TPBGL: variants seen among roughly 807,000 people sequenced by gnomAD.
TPBGL encodes trophoblast glycoprotein like.
For missense variants in TPBGL, 685 were observed against 609.4 expected (o/e 1.12, Z -1.31); for synonymous variants, 380 against 314.8 (o/e 1.21, Z -2.19).
chr11:75,241,762 G>T lies in TPBGL; in HGVS notation c.713G>T (p.Cys238Phe). Residue 238 changes from cysteine (C) to phenylalanine (F), a missense_variant, in exon 1 of 1, where the codon TGC (cysteine) becomes TTC (phenylalanine). Physicochemically the swap from Cys to Phe is radical, Grantham distance 205 (BLOSUM62 -2). Transcript: ENST00000562197. ...RLLLADNPLR[C>F]GCAARPLLAW... ...CTGCTCGCCGACAACCCCCTGCGCT[G>T]CGGCTGTGCCGCACGCCCCCTGCTG... 7.7e-7 allele frequency: 1 copy of T among 1,305,670 alleles called. No homozygotes were observed. The allele number at this position is 1,305,670 out of a possible 1,614,324, so 80.9% of individuals were successfully genotyped here.
At position 75,241,356 on chromosome 11, in the gene TPBGL, C is replaced by A; in HGVS notation, c.307C>A (p.His103Asn). Residue 103 changes from histidine to asparagine, a missense_variant, in exon 1 of 1, where the codon CAC becomes AAC. By Grantham distance (68) the His-to-Asn change is moderately conservative. Coordinates refer to ENST00000562197, the MANE Select transcript of TPBGL (RefSeq NM_001195528.2). ...GCTCCTGAGCGCGCTGCGCCTCACG[C>A]ACAACCACATCGAGGTGGTGGAGGA... Reference protein sequence around the residue: ...LPLLSALRLTHNHIEVVEDGA... With the variant: ...LPLLSALRLTNNHIEVVEDGA... The A allele has an allele frequency of 7.3e-7, 1 of 1,372,382 alleles. No homozygotes were observed. The highest frequency in any genetic ancestry group is 9.4e-7 in the Non-Finnish European group (1 of 1,066,066). The allele number at this position is 1,372,382 out of a possible 1,614,324, so 85.0% of individuals were successfully genotyped here.
chr11:75,241,119 GC>G lies in TPBGL; in HGVS notation c.71del (p.Ala24GlyfsTer43). 1 of 1,405,950 alleles carries G rather than the reference GC, an allele frequency of 7.1e-7. No homozygotes were observed. Among genetic ancestry groups the G allele is most frequent in the Non-Finnish European group, 9.3e-7 (1 of 1,077,034 alleles). 87.1% of individuals were successfully genotyped at this position (1,405,950 alleles called of 1,614,324 possible). ...LLVAAALSQP[A>X]APCPFQCYCF... Reference sequence around the variant, plus strand: ...CGTGGCGGCGGCGCTGAGCCAGCCCGCGGCACCCTGCCCCTTCCAGTGCTAC... The same window carrying G: ...CGTGGCGGCGGCGCTGAGCCAGCCCGGGCACCCTGCCCCTTCCAGTGCTAC... On this transcript the variant is annotated frameshift_variant, in exon 1 of 1. Transcript: ENST00000562197. LOFTEE classifies it low-confidence loss of function (END_TRUNC).
In TPBGL at chr11:75,241,836, C is replaced by A; in HGVS notation, c.787C>A (p.Arg263Ser). Residue 263 changes from arginine (R) to serine (S), a missense_variant, in exon 1 of 1, where the codon CGC (arginine) becomes AGC (serine). Transcript: ENST00000562197. ...TERVPDSRRL[R>S]CAAPRALLDR... ...GCGCGTGCCCGACTCGCGGCGCCTG[C>A]GCTGCGCCGCCCCGCGGGCGCTGCT... is the stretch of plus-strand genomic sequence containing the variant. 22 of 1,290,326 alleles carry A rather than the reference C, an allele frequency of 1.7e-5. No homozygotes were observed. The highest frequency in any genetic ancestry group is 2.1e-5 in the Non-Finnish European group (22 of 1,024,982). 79.9% of individuals were successfully genotyped at this position (1,290,326 alleles called of 1,614,324 possible). A position where few individuals can be genotyped will look rare whatever the true frequency, so the allele number is the denominator to read the frequency against.
rs1945597943 is a variant in TPBGL, at chr11:75,241,472, G to A, written c.423G>A (p.Leu141=). Residue 141 remains leucine, a synonymous_variant, in exon 1 of 1, where the codon CTG becomes CTA. Coordinates refer to ENST00000562197, the MANE Select transcript of TPBGL (RefSeq NM_001195528.2). ...TGGGCGGCGGCGCCTTCCGCGGGCT[G>A]CCCGCGCTGCGCTCGCTGCAGCTCA... The part of the protein sequence containing the change: ...RALGGGAFRG[L]PALRSLQLNH... The A allele has an allele frequency of 8.0e-7, 1 of 1,256,582 alleles. No homozygotes were observed. The highest frequency in any genetic ancestry group is 1.0e-6 in the Non-Finnish European group (1 of 1,002,236). The allele number at this position is 1,256,582 out of a possible 1,614,324, so 77.8% of individuals were successfully genotyped here.
In TPBGL at chr11:75,240,987, C is replaced by A; in HGVS notation, c.-63C>A. ...GGACTCGCCCCACCCGTGCCCCCCA[C>A]CAGGCGCTCCCAACTCACTGGTGAG... On this transcript the variant is annotated 5_prime_UTR_variant, in exon 1 of 1. Transcript: ENST00000562197. The A allele has an allele frequency of 8.6e-7, 1 of 1,158,760 alleles. No homozygotes were observed. Among genetic ancestry groups the A allele is most frequent in the Non-Finnish European group, 1.1e-6 (1 of 932,316 alleles). The allele number at this position is 1,158,760 out of a possible 1,614,324, so 71.8% of individuals were successfully genotyped here.
At position 75,242,959 on chromosome 11, in the gene TPBGL, G is replaced by A. The variant is rs1428095053; in HGVS notation, c.*761G>A. On this transcript the variant is annotated 3_prime_UTR_variant, in exon 1 of 1. Coordinates refer to ENST00000562197, the MANE Select transcript of TPBGL (RefSeq NM_001195528.2). ...TACTCAGTGCTGGTCCCCAGTCTCA[G>A]ACTCTCAGCTCTTCACCCCGATCTG... The A allele has an allele frequency of 6.6e-6, 1 of 152,208 alleles. No individual in the cohort carries two copies. Among genetic ancestry groups the A allele is most frequent in the African/African-American group, 2.4e-5 (1 of 41,316 alleles). The allele number at this position is 152,208 out of a possible 1,614,324, so 9.4% of individuals were successfully genotyped here.
chr11:75,242,319 T>G lies in TPBGL; in HGVS notation c.*121T>G. The stretch of plus-strand genomic sequence containing the variant: ...GGAGGCGCTAAGCCGTACCCTCTCG[T>G]TCCCGCCTCCGAGAGCTCCCACCGT... On this transcript the variant is annotated 3_prime_UTR_variant, in exon 1 of 1. Transcript: ENST00000562197. 17 of 1,008,546 alleles carry G rather than the reference T, an allele frequency of 1.7e-5. No homozygotes were observed. The highest frequency in any genetic ancestry group is 9.5e-5 in the East Asian group (1 of 10,564). The allele number at this position is 1,008,546 out of a possible 1,614,324, so 62.5% of individuals were successfully genotyped here.
rs1053709262 is a variant in TPBGL at position 75,242,328 on chromosome 11, C to G, written c.*130C>G. 2 of 1,009,300 alleles carry G rather than the reference C, an allele frequency of 2.0e-6. No homozygotes were observed. Among genetic ancestry groups the G allele is most frequent in the African/African-American group, 3.5e-5 (2 of 57,726 alleles). 62.5% of individuals were successfully genotyped at this position (1,009,300 alleles called of 1,614,324 possible). A position where few individuals can be genotyped will look rare whatever the true frequency, so the allele number is the denominator to read the frequency against. On this transcript the variant is annotated 3_prime_UTR_variant, in exon 1 of 1. Transcript: ENST00000562197. ...AAGCCGTACCCTCTCGTTCCCGCCTCCGAGAGCTCCCACCGTCAAAGACCC... is the reference window on the plus strand; with the variant it reads ...AAGCCGTACCCTCTCGTTCCCGCCTGCGAGAGCTCCCACCGTCAAAGACCC...
Position 75,241,597 on chromosome 11 carries a change from C to T in TPBGL, c.548C>T (p.Ala183Val), listed in dbSNP as rs754053222. Residue 183 changes from alanine (A) to valine (V), a missense_variant, in exon 1 of 1, where the codon GCG (alanine) becomes GTG (valine). Coordinates refer to ENST00000562197, the MANE Select transcript of TPBGL (RefSeq NM_001195528.2). ...ELRLLGLAGN[A>V]LSRLPPAALR... Reference sequence around the variant, plus strand: ...CGCCTGCTGGGCCTAGCGGGCAACGCGCTGAGCCGTCTGCCGCCAGCCGCC... The same window carrying T: ...CGCCTGCTGGGCCTAGCGGGCAACGTGCTGAGCCGTCTGCCGCCAGCCGCC... The T allele has an allele frequency of 7.6e-7, 1 of 1,318,120 alleles. No individual in the cohort carries two copies. Among genetic ancestry groups the T allele is most frequent in the Non-Finnish European group, 9.8e-7 (1 of 1,025,618 alleles). 81.7% of individuals were successfully genotyped at this position (1,318,120 alleles called of 1,614,324 possible). A position where few individuals can be genotyped will look rare whatever the true frequency, so the allele number is the denominator to read the frequency against.
Position 75,241,070 on chromosome 11 carries a change from G to C in TPBGL, c.21G>C (p.Gln7His), listed in dbSNP as rs1375349157. Reference sequence around the variant, plus strand: ...CCGCGATGGCCCCGCGCGCGGGACAGCCGGGGCTCCAGGGGCTGCTGCTCG... The same window carrying C: ...CCGCGATGGCCCCGCGCGCGGGACACCCGGGGCTCCAGGGGCTGCTGCTCG... Reference protein sequence around the residue: MAPRAGQPGLQGLLLVA... With the variant: MAPRAGHPGLQGLLLVA... The change falls in exon 1 of 1, where the codon CAG becomes CAC. Residue 7 changes from glutamine to histidine, a missense_variant. By Grantham distance (24) the Gln-to-His change is conservative. Coordinates refer to ENST00000562197, the MANE Select transcript of TPBGL (RefSeq NM_001195528.2). The C allele has an allele frequency of 7.8e-7, 1 of 1,288,816 alleles. No individual in the cohort carries two copies. Among genetic ancestry groups the C allele is most frequent in the Admixed American group, 3.9e-5 (1 of 25,532 alleles). The allele number at this position is 1,288,816 out of a possible 1,614,324, so 79.8% of individuals were successfully genotyped here. A position where few individuals can be genotyped will look rare whatever the true frequency, so the allele number is the denominator to read the frequency against.
chr11:75,241,874 A>G lies in TPBGL; in HGVS notation c.825A>G (p.Leu275=), dbSNP rs1237140428. 1 of 1,433,502 alleles carries G rather than the reference A, an allele frequency of 7.0e-7. No homozygotes were observed. Among genetic ancestry groups the G allele is most frequent in the Non-Finnish European group, 9.1e-7 (1 of 1,094,660 alleles). The allele number at this position is 1,433,502 out of a possible 1,614,324, so 88.8% of individuals were successfully genotyped here. A position where few individuals can be genotyped will look rare whatever the true frequency, so the allele number is the denominator to read the frequency against. Residue 275 remains leucine, a synonymous_variant, in exon 1 of 1, where the codon CTA becomes CTG. Transcript: ENST00000562197. ...CGCGGGCGCTGCTAGACCGGCCGCT[A>G]CTGGACCTGGACGGGGCGCGGCTTC... ...AAPRALLDRP[L]LDLDGARLRC...
At position 75,242,153 on chromosome 11, in the gene TPBGL, C is replaced by T; in HGVS notation, c.1104C>T (p.Ala368=). 1 of 1,202,168 alleles carries T rather than the reference C, an allele frequency of 8.3e-7. No homozygotes were observed. The highest frequency in any genetic ancestry group is 1.0e-6 in the Non-Finnish European group (1 of 972,170). 74.5% of individuals were successfully genotyped at this position (1,202,168 alleles called of 1,614,324 possible). Residue 368 remains alanine (A), a synonymous_variant, in exon 1 of 1, where the codon GCC becomes GCT. Transcript: ENST00000562197. The part of the protein sequence containing the change: ...DADPRRAPAP[A]APAGSRATSP... ...ACCCGCGCCGCGCGCCCGCGCCCGC[C>T]GCGCCCGCGGGCTCCCGCGCCACCT...
rs1290843799 is a variant in TPBGL, at chr11:75,241,922, C to A, written c.873C>A (p.Asp291Glu). Residue 291 changes from aspartate (D) to glutamate (E), a missense_variant, in exon 1 of 1, where the codon GAC (aspartate) becomes GAA (glutamate). By Grantham distance (45) the Asp-to-Glu change is conservative (BLOSUM62 2). Coordinates refer to ENST00000562197, the MANE Select transcript of TPBGL (RefSeq NM_001195528.2). ...TTCGCTGCGCGGACAGCGGCGCCGACGCTCGCGGAGAGGAGGCGGAGGCCG... is the reference window on the plus strand; with the variant it reads ...TTCGCTGCGCGGACAGCGGCGCCGAAGCTCGCGGAGAGGAGGCGGAGGCCG... Reference protein sequence around the residue: ...ARLRCADSGADARGEEAEAAG... With the variant: ...ARLRCADSGAEARGEEAEAAG... 3 of 1,481,298 alleles carry A rather than the reference C, an allele frequency of 2.0e-6. No homozygotes were observed. The highest frequency in any genetic ancestry group is 2.8e-5 in the East Asian group (1 of 35,204). 91.8% of individuals were successfully genotyped at this position (1,481,298 alleles called of 1,614,324 possible).
chr11:75,241,144 A>ACTG lies in TPBGL; in HGVS notation c.98_100dup (p.Cys33dup). The ACTG allele has an allele frequency of 6.9e-7, 1 of 1,448,258 alleles. No homozygotes were observed. The highest frequency in any genetic ancestry group is 9.1e-7 in the Non-Finnish European group (1 of 1,102,364). 89.7% of individuals were successfully genotyped at this position (1,448,258 alleles called of 1,614,324 possible). A position where few individuals can be genotyped will look rare whatever the true frequency, so the allele number is the denominator to read the frequency against. On this transcript the variant is annotated inframe_insertion, in exon 1 of 1. Coordinates refer to ENST00000562197, the MANE Select transcript of TPBGL (RefSeq NM_001195528.2). ...GCGGCACCCTGCCCCTTCCAGTGCT[A>ACTG]CTGCTTCGGCGGCCCCAAGCTGCTG...
At position 75,243,019 on chromosome 11, in the gene TPBGL, A is replaced by ACCCCCCCCC. The variant is rs34103907; in HGVS notation, c.*823_*831dup. On this transcript the variant is annotated 3_prime_UTR_variant, in exon 1 of 1. Coordinates refer to ENST00000562197, the MANE Select transcript of TPBGL (RefSeq NM_001195528.2). ...CTCCTGCCCAAGCCTTTGGCTCTTG[A>ACCCCCCCCC]CCCCCCCCCCATACCCAATGCTGGC... 7.4e-6 allele frequency: 1 copy of ACCCCCCCCC among 134,468 alleles called. No homozygotes were observed. The highest frequency in any genetic ancestry group is 1.6e-5 in the Non-Finnish European group (1 of 61,946). The allele number at this position is 134,468 out of a possible 1,614,324, so 8.3% of individuals were successfully genotyped here.
chr11:75,242,388 G>T lies in TPBGL; in HGVS notation c.*190G>T. 2.9e-6 allele frequency: 2 copies of T among 687,848 alleles called. No homozygotes were observed. Among genetic ancestry groups the T allele is most frequent in the Non-Finnish European group, 3.6e-6 (2 of 549,474 alleles). The allele number at this position is 687,848 out of a possible 1,614,324, so 42.6% of individuals were successfully genotyped here. On this transcript the variant is annotated 3_prime_UTR_variant, in exon 1 of 1. Transcript: ENST00000562197. The stretch of plus-strand genomic sequence containing the variant: ...CGGTCCGAATCCAGAAACCCCGCCT[G>T]CCCACCCTAGTTTCCGAAACCTCCC...
Position 75,241,989 on chromosome 11 carries a change from G to A in TPBGL, c.940G>A (p.Val314Met). The A allele has an allele frequency of 1.3e-6, 2 of 1,501,000 alleles. No individual in the cohort carries two copies. The highest frequency in any genetic ancestry group is 1.8e-6 in the Non-Finnish European group (2 of 1,128,262). The allele number at this position is 1,501,000 out of a possible 1,614,324, so 93.0% of individuals were successfully genotyped here. A position where few individuals can be genotyped will look rare whatever the true frequency, so the allele number is the denominator to read the frequency against. Residue 314 changes from valine (V) to methionine (M), a missense_variant, in exon 1 of 1, where the codon GTG (valine) becomes ATG (methionine). By Grantham distance (21) the Val-to-Met change is conservative. Transcript: ENST00000562197. The part of the protein sequence containing the change: ...LEASYVFFGL[V>M]LALIGLIFLM... The stretch of plus-strand genomic sequence containing the variant: ...AGCCTCCTACGTGTTCTTCGGGCTG[G>A]TGCTGGCACTCATCGGCCTCATCTT...
In TPBGL at chr11:75,241,980, T is replaced by G. The variant is rs1374908525; in HGVS notation, c.931T>G (p.Phe311Val). 4.7e-6 allele frequency: 7 copies of G among 1,501,418 alleles called. No individual in the cohort carries two copies. The highest frequency in any genetic ancestry group is 6.2e-6 in the Non-Finnish European group (7 of 1,128,482). 93.0% of individuals were successfully genotyped at this position (1,501,418 alleles called of 1,614,324 possible). Residue 311 changes from phenylalanine (F) to valine (V), a missense_variant, in exon 1 of 1, where the codon TTC becomes GTC. Transcript: ENST00000562197. ...GPELEASYVF[F>V]GLVLALIGLI... ...GGAGCTGGAAGCCTCCTACGTGTTCTTCGGGCTGGTGCTGGCACTCATCGG... is the reference window on the plus strand; with the variant it reads ...GGAGCTGGAAGCCTCCTACGTGTTCGTCGGGCTGGTGCTGGCACTCATCGG...
chr11:75,241,600 T>A lies in TPBGL; in HGVS notation c.551T>A (p.Leu184Gln). The A allele has an allele frequency of 7.6e-7, 1 of 1,317,568 alleles. No individual in the cohort carries two copies. The highest frequency in any genetic ancestry group is 1.6e-5 in the South Asian group (1 of 63,408). The allele number at this position is 1,317,568 out of a possible 1,614,324, so 81.6% of individuals were successfully genotyped here. Reference protein sequence around the residue: ...LRLLGLAGNALSRLPPAALRL... With the variant: ...LRLLGLAGNAQSRLPPAALRL... ...CTGCTGGGCCTAGCGGGCAACGCGCTGAGCCGTCTGCCGCCAGCCGCCCTG... is the reference window on the plus strand; with the variant it reads ...CTGCTGGGCCTAGCGGGCAACGCGCAGAGCCGTCTGCCGCCAGCCGCCCTG... The change falls in exon 1 of 1, where the codon CTG becomes CAG. Residue 184 changes from leucine (L) to glutamine (Q), a missense_variant. Transcript: ENST00000562197.
Sources: gnomAD v4.1 joint callset for allele counts on GRCh38, gnomAD v4.1.1 for gene constraint, MANE v1.5 for transcripts, NCBI Gene and HGNC (gene_info 2026-07-23, HGNC 2026-07-21) for gene names.